Variants in CELSR2 observed in about 807,000 individuals in gnomAD.
The protein encoded by CELSR2 is cadherin EGF LAG seven-pass G-type receptor 2, also known as EGF-like protein 2.
CELSR2 carries 81 observed loss-of-function variants against 251.6 expected under a neutral mutation model. The observed-to-expected ratio is 0.32, with a 90% CI of 0.27 to 0.39. CELSR2 has a LOEUF of 0.39. Ranked by LOEUF, CELSR2 falls within the 10% of genes least tolerant of loss-of-function variation. The pLI is 1.00. For synonymous variants in CELSR2, 1,721 were observed against 1,670.5 expected (o/e 1.03, Z -0.74); for missense variants, 3,365 against 3,947.7 (o/e 0.85, Z 3.96).
intron 14 of CELSR2, 78 bp downstream of exon 14, chr1:109,265,996 C>T: frequency 6.3e-7 from 1 of 1,581,488 alleles, no homozygotes; most frequent in East Asian, 2.3e-5. Context: ...CAGGAAGGGG[C>T]TGGTTGCAGG....
At chr1:109,256,965 A>G (rs1382626687) in intron 1 of CELSR2, among the ~76,000 whole-genome samples, 1 of 152,190 alleles carries the variant, frequency 6.6e-6, no homozygotes, top group African/African-American at 2.4e-5. Flanking sequence ...GCCCCCTGCT[A>G]TGTTTTAAAG....
intron 14 of CELSR2, 29 bp from the exon 15 acceptor site, chr1:109,266,076 C>G (rs1215656978): frequency 1.2e-6 from 2 of 1,611,922 alleles, no homozygotes; most frequent in Non-Finnish European, 1.7e-6. Flanking sequence ...GAGAGCTGCT[C>G]CTGGGTGACC....
intron 15 of CELSR2, 102 bp downstream of exon 15, chr1:109,266,308 C>G (rs2101265490): frequency 7.2e-7 from 1 of 1,395,776 alleles, no homozygotes; most frequent in South Asian, 1.4e-5. Flanking sequence ...ACCCCACTTT[C>G]TGGCCTCCAG....
In CELSR2 at chr1:109,250,034, A is replaced by AGCC. The variant is rs1241899732; in HGVS notation, c.-35_-33dup. ...CGGGGCCGGCAGGAGCCGGAGGAGG[A>AGCC]GCCGCCGCCGCCGTTGACCCGGCCG... On this transcript the variant is annotated 5_prime_UTR_variant, in exon 1 of 34. Transcript: ENST00000271332. This position sits in a 1 kb window ranked among gnomAD's most constrained non-coding sequence, Gnocchi z 4.4. The AGCC allele has an allele frequency of 1.2e-5, 15 of 1,286,742 alleles. No homozygotes were observed. The highest frequency in any genetic ancestry group is 4.7e-5 in the African/African-American group (3 of 64,174). The allele number at this position is 1,286,742 out of a possible 1,614,324, so 79.7% of individuals were successfully genotyped here. A position where few individuals can be genotyped will look rare whatever the true frequency, so the allele number is the denominator to read the frequency against.
Position 109,271,287 on chromosome 1 carries a change from A to C in CELSR2, c.7667A>C (p.Lys2556Thr). The C allele has an allele frequency of 6.2e-7, 1 of 1,613,674 alleles. No homozygotes were observed. The highest frequency in any genetic ancestry group is 8.5e-7 in the Non-Finnish European group (1 of 1,179,912). Residue 2556 changes from lysine to threonine, a missense_variant, in exon 26 of 34, where the codon AAA (lysine) becomes ACA (threonine). This residue lies in a region of CELSR2 where 2,093 missense variants were observed against 2,382.8 expected (regional missense o/e 0.88). Transcript: ENST00000271332. Reference protein sequence around the residue: ...CAAQRQGFEKKGPVSGLQPSF... With the variant: ...CAAQRQGFEKTGPVSGLQPSF... ...GCCCAGCGGCAGGGCTTTGAGAAGA[A>C]AGGTCCTGTGTGAGTATAGGGTTGG...
Position 109,261,195 on chromosome 1 carries a change from G to T in CELSR2, c.4112G>T (p.Ser1371Ile). ...EKPYCQVTTR[S>I]FPAHSFITFR... ...CCCTACTGCCAGGTGACCACGCGCA[G>T]CTTCCCCGCCCACTCCTTCATCACC... The change falls in exon 3 of 34, where the codon AGC becomes ATC. Residue 1371 changes from serine to isoleucine, a missense_variant. By Grantham distance (142) the Ser-to-Ile change is moderately radical. Transcript: ENST00000271332. This position sits in a 1 kb window ranked among gnomAD's most constrained non-coding sequence, Gnocchi z 4.8. 6.2e-7 allele frequency: 1 copy of T among 1,614,124 alleles called. No homozygotes were observed.
chr1:109,252,998 C>A lies in CELSR2; in HGVS notation c.2919C>A (p.Ile973=), dbSNP rs778031794. Residue 973 remains isoleucine (I), a synonymous_variant, in exon 1 of 34, where the codon ATC becomes ATA. Coordinates refer to ENST00000271332, the MANE Select transcript of CELSR2 (RefSeq NM_001408.3). This position sits in a 1 kb window ranked among gnomAD's most constrained non-coding sequence, Gnocchi z 4.8. ...TCCCTGAGGTCTTTCAGCTGGACAT[C>A]TTCTCCGGGGAGCTGACAGCCCTGG... ...GNIPEVFQLD[I]FSGELTALVD... 3 of 1,612,264 alleles carry A rather than the reference C, an allele frequency of 1.9e-6. No homozygotes were observed. Among genetic ancestry groups the A allele is most frequent in the South Asian group, 2.2e-5 (2 of 90,998 alleles).
intron 11 of CELSR2, 61 bp from the exon 12 acceptor site, chr1:109,264,807 G>C (rs1345555830): frequency 3.7e-6 from 6 of 1,612,020 alleles, no homozygotes; most frequent in Non-Finnish European, 4.2e-6. Flanking sequence ...TGAAGGGTTT[G>C]ATGGAAGATG....
chr1:109,262,999 G>A (rs747438349), intron 7 of CELSR2, 30 bp downstream of exon 7: 3 of 1,605,732 alleles, frequency 1.9e-6, no homozygotes, highest in Non-Finnish European at 2.6e-6. Context: ...AGCCAGGCTG[G>A]GATCCCAGTG....
chr1:109,258,925 C>T lies in CELSR2; in HGVS notation c.3804C>T (p.Pro1268=), dbSNP rs201183175. ...SSSVLFRPIH[P]VGGLRCRCPP... ...CCGTGCTCTTCCGGCCCATCCACCCCGTCGGAGGGCTGCGCTGCCGCTGCC... is the reference window on the plus strand; with the variant it reads ...CCGTGCTCTTCCGGCCCATCCACCCTGTCGGAGGGCTGCGCTGCCGCTGCC... The change falls in exon 2 of 34, where the codon CCC becomes CCT. Residue 1268 remains proline, a synonymous_variant. Transcript: ENST00000271332. 3 of 1,612,008 alleles carry T rather than the reference C, an allele frequency of 1.9e-6. No individual in the cohort carries two copies. The highest frequency in any genetic ancestry group is 2.5e-6 in the Non-Finnish European group (3 of 1,179,538).
chr1:109,273,072 C>G, intron 31 of CELSR2, 45 bp downstream of exon 31: 1 of 1,595,532 alleles, frequency 6.3e-7, no homozygotes, highest in Non-Finnish European at 8.6e-7. Flanking sequence ...AGTGGGAGGA[C>G]AGTGGGCCTG....
In CELSR2 at chr1:109,274,407, T is replaced by C. The variant is rs1656470443; in HGVS notation, c.*358T>C. 1 of 334,866 alleles carries C rather than the reference T, an allele frequency of 3.0e-6. No individual in the cohort carries two copies. The highest frequency in any genetic ancestry group is 5.9e-5 in the East Asian group (1 of 16,876). 20.7% of individuals were successfully genotyped at this position (334,866 alleles called of 1,614,324 possible). A position where few individuals can be genotyped will look rare whatever the true frequency, so the allele number is the denominator to read the frequency against. On this transcript the variant is annotated 3_prime_UTR_variant, in exon 34 of 34. Transcript: ENST00000271332. Reference sequence around the variant, plus strand: ...CGCTGGAAATTGACTCCCCTTTCCCTTCCCAAAGAGGATAGGACCTCCCAG... The same window carrying C: ...CGCTGGAAATTGACTCCCCTTTCCCCTCCCAAAGAGGATAGGACCTCCCAG...
Position 109,258,705 on chromosome 1 carries a change from G to A in CELSR2, c.3584G>A (p.Gly1195Asp). 2 of 1,551,086 alleles carry A rather than the reference G, an allele frequency of 1.3e-6. No individual in the cohort carries two copies. The highest frequency in any genetic ancestry group is 8.7e-7 in the Non-Finnish European group (1 of 1,147,030). ...GTGGGCCAGCCGCCAGGGCCCGGGGGCGGGCCGCCCTTCCTGCCCTCTGAG... is the reference window on the plus strand; with the variant it reads ...GTGGGCCAGCCGCCAGGGCCCGGGGACGGGCCGCCCTTCCTGCCCTCTGAG... ...LSVGQPPGPG[G>D]GPPFLPSEDL... Residue 1195 changes from glycine (G) to aspartate (D), a missense_variant, in exon 2 of 34, where the codon GGC (glycine) becomes GAC (aspartate). Coordinates refer to ENST00000271332, the MANE Select transcript of CELSR2 (RefSeq NM_001408.3).
In CELSR2 at chr1:109,273,157, C is replaced by G. The variant is rs1341602429; in HGVS notation, c.8339-9C>G. 6.2e-7 allele frequency: 1 copy of G among 1,610,504 alleles called. No individual in the cohort carries two copies. Among genetic ancestry groups the G allele is most frequent in the East Asian group, 2.2e-5 (1 of 44,726 alleles). ...TCTGTGGGCCTCATCTACTTCCTTT[C>G]CCCACCAGATGGGGGCCCAGGGCCT... is the stretch of plus-strand genomic sequence containing the variant. On this transcript the variant is annotated splice_polypyrimidine_tract_variant and intron_variant, in intron 31 of 33. Coordinates refer to ENST00000271332, the MANE Select transcript of CELSR2 (RefSeq NM_001408.3).
rs567720366 is a variant in CELSR2, at chr1:109,273,937, G to A, written c.8745-85G>A. 5.0e-5 allele frequency: 78 copies of A among 1,548,218 alleles called. No homozygotes were observed. The Middle Eastern group carries it at 8.4e-4, about 17-fold the overall frequency. On this transcript the variant is annotated intron_variant, in intron 33 of 33. Coordinates refer to ENST00000271332, the MANE Select transcript of CELSR2 (RefSeq NM_001408.3). Reference sequence around the variant, plus strand: ...CTGGGGGTGCTTTCCTGTTTCCTTCGTCTGGTGAAAGCTTTCACTCTCTCC... The same window carrying A: ...CTGGGGGTGCTTTCCTGTTTCCTTCATCTGGTGAAAGCTTTCACTCTCTCC...
Position 109,262,907 on chromosome 1 carries a change from T to C in CELSR2, c.4646T>C (p.Leu1549Pro). The C allele has an allele frequency of 6.2e-7, 1 of 1,613,832 alleles. No individual in the cohort carries two copies. Among genetic ancestry groups the C allele is most frequent in the Non-Finnish European group, 8.5e-7 (1 of 1,180,010 alleles). Residue 1549 changes from leucine to proline, a missense_variant, in exon 7 of 34, where the codon CTG becomes CCG. By Grantham distance (98) the Leu-to-Pro change is moderately conservative (BLOSUM62 -3). Transcript: ENST00000271332. ...CAGTTCGTGGGCTGCATGCGGAACC[T>C]GCAGGTGGACAGCCGGCACATAGAC... Reference protein sequence around the residue: ...MRQFVGCMRNLQVDSRHIDMA... With the variant: ...MRQFVGCMRNPQVDSRHIDMA...
Position 109,258,674 on chromosome 1 carries a change from C to G in CELSR2, c.3553C>G (p.Leu1185Val). 6.5e-7 allele frequency: 1 copy of G among 1,548,462 alleles called. No individual in the cohort carries two copies. The highest frequency in any genetic ancestry group is 8.7e-7 in the Non-Finnish European group (1 of 1,145,360). ...CGGGGGCCACATCCTCAACGTGAGCCTGTCGGTGGGCCAGCCGCCAGGGCC... is the reference window on the plus strand; with the variant it reads ...CGGGGGCCACATCCTCAACGTGAGCGTGTCGGTGGGCCAGCCGCCAGGGCC... ...APGGHILNVS[L>V]SVGQPPGPGG... is the part of the protein sequence containing the mutation. Residue 1185 changes from leucine to valine, a missense_variant, in exon 2 of 34, where the codon CTG (leucine) becomes GTG (valine). This residue lies in a region of CELSR2 where 2,093 missense variants were observed against 2,382.8 expected (regional missense o/e 0.88). Transcript: ENST00000271332.
rs760782123 is a variant in CELSR2, at chr1:109,273,498, C to A, written c.8572C>A (p.Leu2858Met). The A allele has an allele frequency of 1.7e-5, 28 of 1,611,162 alleles. No individual in the cohort carries two copies. The East Asian group carries it at 4.9e-4, about 28-fold the overall frequency. ...SEKSSLLRLP[L>M]EQCTGSSRGS... ...GAAGAGCAGCCTCCTGCGGCTCCCC[C>A]TGGAGCAATGCACAGGGTCTTCCCG... Residue 2858 changes from leucine to methionine, a missense_variant, in exon 33 of 34, where the codon CTG becomes ATG. By Grantham distance (15) the Leu-to-Met change is conservative. Around this residue, in one of 5 missense-constraint regions of CELSR2, gnomAD observed 2,093 missense variants for 2,382.8 expected, o/e 0.88. Transcript: ENST00000271332.
chr1:109,270,174 C>G, intron 23 of CELSR2, 41 bp downstream of exon 23: 1 of 1,598,890 alleles, frequency 6.3e-7, no homozygotes, highest in Non-Finnish European at 8.5e-7. Flanking sequence ...CCCACCTTCT[C>G]AGGCCGCCTC....
Sources: allele counts gnomAD v4.1 joint callset (sites outside exome capture counted in the v4.1 genomes callset), GRCh38; gene constraint gnomAD v4.1.1; regional missense constraint gnomAD v4.1.1; non-coding constraint Gnocchi (gnomAD v3.1); transcripts MANE v1.5; gene names NCBI Gene and HGNC (gene_info 2026-07-23, HGNC 2026-07-21).